Variants in CELF2 observed in about 807,000 individuals in gnomAD.
CELF2 encodes the protein CUG triplet repeat RNA-binding protein 2.
A neutral mutation model predicts 62.6 loss-of-function variants in CELF2; 8 were observed. That is an observed-to-expected ratio of 0.13 (90% CI 0.07 to 0.23). CELF2 has a LOEUF of 0.23. Among genes scored for constraint, CELF2 ranks in the 10% least tolerant of loss-of-function variants. The probability of loss-of-function intolerance (pLI) is 1.00; values close to 1 mark genes in which losing one functional copy is unlikely to be tolerated. For missense variants in CELF2, 333 were observed against 671.0 expected (o/e 0.50, Z 5.56); for synonymous variants, 258 against 250.0 (o/e 1.03, Z -0.30).
chr10:10,547,706 T>A, the CELF2 span, among the ~76,000 whole-genome samples: 21 of 150,068 alleles, frequency 1.4e-4, no homozygotes, highest in South Asian at 4.4e-4. Flanking sequence ...TGTGTGTGTG[T>A]GTGTGTGTGT....
intron 2 of CELF2, among the ~76,000 whole-genome samples, chr10:10,942,736 C>G (rs886140782): frequency 6.6e-6 from 1 of 152,152 alleles, no homozygotes; most frequent in Admixed American, 6.5e-5. Flanking sequence ...ATGCTTTATA[C>G]GCAGACTTGA....
intron 1 of CELF2, among the ~76,000 whole-genome samples, chr10:10,820,956 C>T (rs1023558489): frequency 2.0e-5 from 3 of 151,956 alleles, no homozygotes; most frequent in African/African-American, 7.3e-5. Flanking sequence ...GTAGATATCC[C>T]GGCCAGAGAT....
intron 9 of CELF2, among the ~76,000 whole-genome samples, chr10:11,295,097 T>C (rs1471705585): frequency 6.6e-6 from 1 of 152,252 alleles, no homozygotes; most frequent in Non-Finnish European, 1.5e-5. Flanking sequence ...TCTTCTTTGC[T>C]CGTGACATTA....
chr10:11,070,979 G>A (rs1448145392), intron 1 of CELF2, among the ~76,000 whole-genome samples: 2 of 152,182 alleles, frequency 1.3e-5, no homozygotes, highest in Non-Finnish European at 2.9e-5. Flanking sequence ...AAAAGAAGGG[G>A]ATAGTATAGA....
At chr10:10,822,880 C>T (rs2057079886) in intron 1 of CELF2, among the ~76,000 whole-genome samples, 1 of 152,150 alleles carries the variant, frequency 6.6e-6, no homozygotes, top group African/African-American at 2.4e-5. Flanking sequence ...TAATAGCTTA[C>T]CCAGGACTAA....
At chr10:11,125,582 A>G (rs909880784) in intron 1 of CELF2, among the ~76,000 whole-genome samples, 5 of 151,926 alleles carry the variant, frequency 3.3e-5, no homozygotes, top group Admixed American at 3.3e-4. Flanking sequence ...AAATAAACCA[A>G]TGATGTGTTA....
At chr10:11,143,991 GGCTGAGAAA>G (rs1222814851) in intron 1 of CELF2, among the ~76,000 whole-genome samples, 20 of 152,136 alleles carry the variant, frequency 1.3e-4, no homozygotes, top group Non-Finnish European at 2.8e-4. Flanking sequence ...CCACTCAATT[GGCTGAGAAA>G]GCTGCTTGGC....
chr10:11,174,263 A>G (rs2070149739), intron 2 of CELF2, among the ~76,000 whole-genome samples: 1 of 152,206 alleles, frequency 6.6e-6, no homozygotes. Context: ...ACAAACACAC[A>G]CACACAAATG....
At chr10:11,129,866 G>A (rs530199976) in intron 1 of CELF2, among the ~76,000 whole-genome samples, 3 of 152,124 alleles carry the variant, frequency 2.0e-5, no homozygotes, top group East Asian at 1.9e-4. Context: ...TTATGTCTCT[G>A]TCTCCTTCAG....
At chr10:10,774,138 A>G in the CELF2 span, among the ~76,000 whole-genome samples, 1 of 152,192 alleles carries the variant, frequency 6.6e-6, no homozygotes, top group Non-Finnish European at 1.5e-5. Flanking sequence ...ATTTCTTTCT[A>G]TCAGCAGAGA....
intron 1 of CELF2, among the ~76,000 whole-genome samples, chr10:10,801,781 T>C (rs189906678): frequency 8.2e-4 from 125 of 152,358 alleles, no homozygotes; most frequent in African/African-American, 2.8e-3. Context: ...CTGTTGCTCC[T>C]AAAAAGTCAT....
chr10:10,810,765 G>A (rs1303599018), intron 1 of CELF2, among the ~76,000 whole-genome samples: 1 of 152,212 alleles, frequency 6.6e-6, no homozygotes, highest in Non-Finnish European at 1.5e-5. Context: ...CGTTCATCAA[G>A]TCATGCCAAC....
At chr10:11,261,041 C>T (rs894813132) in intron 5 of CELF2, among the ~76,000 whole-genome samples, 1 of 152,256 alleles carries the variant, frequency 6.6e-6, no homozygotes, top group Non-Finnish European at 1.5e-5. Flanking sequence ...GAAACAAAAG[C>T]ATGGCTGCTC....
chr10:11,241,096 G>A (rs746180), intron 3 of CELF2, among the ~76,000 whole-genome samples: 5,916 of 152,262 alleles, frequency 0.039, 343 homozygotes, highest in East Asian at 0.24. Flanking sequence ...TGACGGCGAA[G>A]GGGAGGCTTC....
the CELF2 span, among the ~76,000 whole-genome samples, chr10:10,570,440 C>A: frequency 6.6e-6 from 1 of 151,994 alleles, no homozygotes; most frequent in East Asian, 1.9e-4. Context: ...CACAAATTCA[C>A]CCCAGGTGAA....
At chr10:10,571,398 A>C in the CELF2 span, among the ~76,000 whole-genome samples, 1 of 152,238 alleles carries the variant, frequency 6.6e-6, no homozygotes. Flanking sequence ...GTTGACAGTA[A>C]TAAAATAATA....
chr10:10,688,482 C>G, the CELF2 span, among the ~76,000 whole-genome samples: 2,461 of 152,290 alleles, frequency 0.016, 32 homozygotes, highest in African/African-American at 0.038. Context: ...CTCCCAAATT[C>G]ATAAGTATCA....
At chr10:10,645,853 T>C in the CELF2 span, among the ~76,000 whole-genome samples, 2 of 152,188 alleles carry the variant, frequency 1.3e-5, no homozygotes, top group Non-Finnish European at 2.9e-5. Flanking sequence ...CTTCCATGTA[T>C]AGAAGCAACT....
chr10:10,680,131 TTGTATGTATGTACGTA>T, the CELF2 span, among the ~76,000 whole-genome samples: 1 of 148,064 alleles, frequency 6.8e-6, no homozygotes, highest in Non-Finnish European at 1.5e-5. Flanking sequence ...GTAGCATGAT[TTGTATGTATGTACGTA>T]TGTATGTATG....
Sources: gnomAD v4.1 joint callset for allele counts (sites outside exome capture counted in the v4.1 genomes callset) on GRCh38, gnomAD v4.1.1 for gene constraint, MANE v1.5 for transcripts, NCBI Gene and HGNC (gene_info 2026-07-23, HGNC 2026-07-21) for gene names.